Variants in IGDCC3 observed in about 807,000 individuals in gnomAD.
IGDCC3 encodes putative neuronal cell adhesion molecule.
In IGDCC3, 47 loss-of-function variants were observed where a neutral mutation model predicts 72.0. The observed-to-expected ratio is 0.65, with a 90% CI of 0.52 to 0.83. The LOEUF is 0.83. IGDCC3 is among the 40% of genes least tolerant of loss of function. The pLI, the probability that IGDCC3 is intolerant of heterozygous loss-of-function variation, is 0.00. For synonymous variants in IGDCC3, 477 were observed against 472.8 expected (o/e 1.01, Z -0.11); for missense variants, 1,038 against 1,091.3 (o/e 0.95, Z 0.69).
At chr15:65,370,620 GTATATA>G (rs71136346) in intron 2 of IGDCC3, among the ~76,000 whole-genome samples, 5,619 of 94,522 alleles carry the variant, frequency 0.059, 420 homozygotes, top group African/African-American at 0.18. Context: ...ATATGTATGT[GTATATA>G]TATATATATA....
chr15:65,371,916 C>T (rs942322938), intron 2 of IGDCC3, among the ~76,000 whole-genome samples: 1 of 152,194 alleles, frequency 6.6e-6, no homozygotes, highest in Non-Finnish European at 1.5e-5. Context: ...CTTGGGAGAA[C>T]CCTCAGTCCT....
chr15:65,370,957 G>A (rs2140172303), intron 2 of IGDCC3, among the ~76,000 whole-genome samples: 1 of 152,122 alleles, frequency 6.6e-6, no homozygotes, highest in African/African-American at 2.4e-5. Context: ...GGCTCAGAGA[G>A]GTGAAGTGAC....
At chr15:65,350,623 G>A (rs1437307770) in intron 2 of IGDCC3, among the ~76,000 whole-genome samples, 10 of 151,910 alleles carry the variant, frequency 6.6e-5, no homozygotes, top group Non-Finnish European at 1.3e-4. Context: ...CACCAGGCCC[G>A]GCTAAGTTTT....
At chr15:65,367,227 T>C (rs989284178) in intron 2 of IGDCC3, among the ~76,000 whole-genome samples, 1 of 151,336 alleles carries the variant, frequency 6.6e-6, no homozygotes, top group East Asian at 1.9e-4. Context: ...ATGCCTGTAA[T>C]CTCAGCTATT....
chr15:65,334,583 T>A (rs1456149776), intron 5 of IGDCC3, 145 bp downstream of exon 5: 1 of 768,786 alleles, frequency 1.3e-6, no homozygotes, highest in Non-Finnish European at 2.0e-6. Context: ...CTTACCCTCT[T>A]CCCAGGTCAC....
intron 2 of IGDCC3, 99 bp downstream of exon 2, chr15:65,374,998 C>T (rs2091349284): frequency 9.6e-7 from 1 of 1,044,352 alleles, no homozygotes; most frequent in Non-Finnish European, 1.4e-6. Flanking sequence ...CTCCAGAAGG[C>T]TGCATAAGAT....
At chr15:65,360,343 G>A (rs184041773) in intron 2 of IGDCC3, among the ~76,000 whole-genome samples, 22 of 152,326 alleles carry the variant, frequency 1.4e-4, no homozygotes, top group East Asian at 1.2e-3. Flanking sequence ...AGGAGGGCAC[G>A]AATATCAAAC....
intron 2 of IGDCC3, among the ~76,000 whole-genome samples, chr15:65,366,570 A>G (rs899510137): frequency 6.6e-6 from 1 of 152,058 alleles, no homozygotes; most frequent in African/African-American, 2.4e-5. Flanking sequence ...AAGACCAAGG[A>G]GCATGGACAT....
chr15:65,330,042 C>T (rs1353803755), intron 11 of IGDCC3, among the ~76,000 whole-genome samples, 178 bp from the exon 12 acceptor site: 1 of 152,162 alleles, frequency 6.6e-6, no homozygotes, highest in Non-Finnish European at 1.5e-5. Context: ...TTACCAGATA[C>T]TAGGAATAGC....
At chr15:65,337,706 C>T (rs924421702) in intron 2 of IGDCC3, among the ~76,000 whole-genome samples, 10 of 152,152 alleles carry the variant, frequency 6.6e-5, no homozygotes, top group Admixed American at 5.9e-4. Context: ...TAGCCCTCCA[C>T]CTCCAGGAAG....
chr15:65,377,279 G>A lies in IGDCC3; in HGVS notation c.103+407C>T, dbSNP rs2091364606. On this transcript the variant is annotated intron_variant, in intron 1 of 13. Transcript: ENST00000327987. This position sits in a 1 kb window ranked among gnomAD's most constrained non-coding sequence, Gnocchi z 4.9. ...TCCGCTCCCCAGGCTGCTGTCCCCT[G>A]TCTTGGCTGCCTCGGGCTATGTCCA... Among the ~76,000 whole-genome samples, 1 of 152,150 alleles carries A rather than the reference G, an allele frequency of 6.6e-6. No homozygotes were observed. The highest frequency in any genetic ancestry group is 6.5e-5 in the Admixed American group (1 of 15,276).
At chr15:65,340,867 T>C (rs2091074698) in intron 2 of IGDCC3, among the ~76,000 whole-genome samples, 1 of 152,240 alleles carries the variant, frequency 6.6e-6, no homozygotes, top group Non-Finnish European at 1.5e-5. Context: ...TAGCTGGGAC[T>C]ACAGGCACGC....
At chr15:65,359,965 A>G (rs1240609432) in intron 2 of IGDCC3, among the ~76,000 whole-genome samples, 2 of 152,170 alleles carry the variant, frequency 1.3e-5, no homozygotes, top group East Asian at 1.9e-4. Flanking sequence ...AGGTGTTCCT[A>G]TCCTCCCATA....
chr15:65,377,605 G>T lies in IGDCC3; in HGVS notation c.103+81C>A, dbSNP rs570838688. 3.5e-4 allele frequency: 448 copies of T among 1,282,458 alleles called. 2 individuals are homozygous for T. The African/African-American group carries it at 6.0e-3, about 17-fold the overall frequency. The allele number at this position is 1,282,458 out of a possible 1,614,324, so 79.4% of individuals were successfully genotyped here. ...GGTCCGCGCCGCTCTCCCCGGGTCC[G>T]CCCCTCGCGCCCGCTCCCTCCCTGC... On this transcript the variant is annotated intron_variant, in intron 1 of 13. Transcript: ENST00000327987. This position sits in a 1 kb window ranked among gnomAD's most constrained non-coding sequence, Gnocchi z 4.9.
In IGDCC3 at chr15:65,343,826, C is replaced by T. The variant is rs116475830; in HGVS notation, c.410-7870G>A. On this transcript the variant is annotated intron_variant, in intron 2 of 13. Coordinates refer to ENST00000327987, the MANE Select transcript of IGDCC3 (RefSeq NM_004884.4). ...CTGCAAATGTCCCATCTCTAAAAGT[C>T]TATGAGGAGAAAGGTGGTGGAGAGA... Among the ~76,000 whole-genome samples, 889 of 152,278 alleles carry T rather than the reference C, an allele frequency of 5.8e-3. 5 individuals are homozygous for T. Among genetic ancestry groups the T allele is most frequent in the African/African-American group, 0.02 (838 of 41,538 alleles).
Position 65,329,363 on chromosome 15 carries a change from G to C in IGDCC3, c.2205+27C>G, listed in dbSNP as rs1245228655. 2 of 1,569,522 alleles carry C rather than the reference G, an allele frequency of 1.3e-6. No individual in the cohort carries two copies. Among genetic ancestry groups the C allele is most frequent in the African/African-American group, 1.4e-5 (1 of 72,820 alleles). ...GTGGCAGTGTCAGAGCCTGAGGCGG[G>C]GGTTTGTTTAAGACATGGGCACTCA... On this transcript the variant is annotated intron_variant, in intron 13 of 13. Coordinates refer to ENST00000327987, the MANE Select transcript of IGDCC3 (RefSeq NM_004884.4). This position sits in a 1 kb window ranked among gnomAD's most constrained non-coding sequence, Gnocchi z 4.1.
chr15:65,377,699 G>A lies in IGDCC3; in HGVS notation c.90C>T (p.Pro30=). The change falls in exon 1 of 14, where the codon CCC becomes CCT. Residue 30 remains proline, a synonymous_variant. Transcript: ENST00000327987. The surrounding 1 kb of genome is among the most constrained non-coding windows in gnomAD (Gnocchi z 4.9). ...GCTTTCACTCACCCTCGCTCGGCGC[G>A]GGCAGCAGCAGCAACAGCAGCGGCA... ...LLLPLLLLLL[P]APSEGLGHSA... The A allele has an allele frequency of 2.8e-6, 4 of 1,417,546 alleles. No homozygotes were observed. The highest frequency in any genetic ancestry group is 1.8e-6 in the Non-Finnish European group (2 of 1,089,620). The allele number at this position is 1,417,546 out of a possible 1,614,324, so 87.8% of individuals were successfully genotyped here.
intron 7 of IGDCC3, 112 bp downstream of exon 7, chr15:65,331,829 A>C: frequency 7.0e-7 from 1 of 1,421,398 alleles, no homozygotes; most frequent in Non-Finnish European, 9.6e-7. Flanking sequence ...CAGACTCCCA[A>C]TTCTGTGCTC....
intron 2 of IGDCC3, among the ~76,000 whole-genome samples, chr15:65,342,414 A>G (rs2091090380): frequency 6.6e-6 from 1 of 152,112 alleles, no homozygotes; most frequent in African/African-American, 2.4e-5. Flanking sequence ...AGAATTACAT[A>G]CAATTAACAA....
Sources: allele counts gnomAD v4.1 joint callset (sites outside exome capture counted in the v4.1 genomes callset), GRCh38; gene constraint gnomAD v4.1.1; non-coding constraint Gnocchi (gnomAD v3.1); transcripts MANE v1.5; gene names NCBI Gene and HGNC (gene_info 2026-07-23, HGNC 2026-07-21).